XKR6: variants seen among roughly 807,000 people sequenced by gnomAD.
XKR6 encodes XK related 6.
XKR6 carries 22 observed loss-of-function variants against 56.7 expected under a neutral mutation model. The observed-to-expected ratio is 0.39, with a 90% CI of 0.28 to 0.55. The LOEUF is 0.55. XKR6 is among the 20% of genes least tolerant of loss of function. XKR6 has a pLI of 0.66. For synonymous variants in XKR6, 524 were observed against 387.8 expected (o/e 1.35, Z -4.13); for missense variants, 852 against 889.0 (o/e 0.96, Z 0.53).
chr8:10,951,067 C>A (rs1014369341), intron 1 of XKR6, among the ~76,000 whole-genome samples: 2 of 152,172 alleles, frequency 1.3e-5, no homozygotes, highest in South Asian at 4.1e-4. Context: ...AAGCGCCAGA[C>A]GGAGTCACCC....
intron 1 of XKR6, among the ~76,000 whole-genome samples, chr8:10,958,410 G>A (rs989066045): frequency 6.6e-6 from 1 of 152,208 alleles, no homozygotes; most frequent in Non-Finnish European, 1.5e-5. Context: ...AATCAATAGT[G>A]ACAATGGGCT....
chr8:11,160,632 G>T (rs375267094), intron 1 of XKR6, among the ~76,000 whole-genome samples: 3 of 152,128 alleles, frequency 2.0e-5, no homozygotes, highest in Non-Finnish European at 4.4e-5. Context: ...TTCACAGGCT[G>T]GGCGTGGTGG....
intron 1 of XKR6, among the ~76,000 whole-genome samples, chr8:11,057,346 C>A (rs1799711377): frequency 6.6e-6 from 1 of 152,158 alleles, no homozygotes; most frequent in Admixed American, 6.5e-5. Context: ...CATGAGAGGG[C>A]TTTTTGTCTG....
At chr8:11,185,119 G>GTC (rs1241124186) in intron 1 of XKR6, among the ~76,000 whole-genome samples, 1 of 152,196 alleles carries the variant, frequency 6.6e-6, no homozygotes, top group East Asian at 1.9e-4. Flanking sequence ...GGGTGTGAGT[G>GTC]TGAGTGTGCC....
At chr8:11,114,444 C>A (rs1338162542) in intron 1 of XKR6, among the ~76,000 whole-genome samples, 2 of 152,186 alleles carry the variant, frequency 1.3e-5, no homozygotes, top group Non-Finnish European at 2.9e-5. Flanking sequence ...TCATTGCAGC[C>A]TCTGCCTCCT....
chr8:10,978,592 C>G (rs963895257), intron 1 of XKR6, among the ~76,000 whole-genome samples: 1 of 152,214 alleles, frequency 6.6e-6, no homozygotes, highest in Non-Finnish European at 1.5e-5. Context: ...CCAAGACACT[C>G]GGCCCAAGGT....
At chr8:11,100,090 C>T (rs1225430926) in intron 1 of XKR6, among the ~76,000 whole-genome samples, 1 of 152,216 alleles carries the variant, frequency 6.6e-6, no homozygotes, top group Non-Finnish European at 1.5e-5. Flanking sequence ...CTAACTCTGT[C>T]GCCCAGGGTG....
intron 1 of XKR6, among the ~76,000 whole-genome samples, chr8:10,937,566 C>CAGAT (rs1393453884): frequency 2.7e-5 from 4 of 149,024 alleles, no homozygotes; most frequent in Non-Finnish European, 6.0e-5. Flanking sequence ...TGGTGATGTA[C>CAGAT]AGATGGGTTT....
In XKR6 at chr8:10,952,197, A is replaced by T. The variant is rs115545953; in HGVS notation, c.765-27367T>A. ...CTCAAAGCCCCTGCCCAGGAAGGGG[A>T]CCCAAGTTCACCCACAGGCCTCCCC... is the stretch of plus-strand genomic sequence containing the variant. On this transcript the variant is annotated intron_variant, in intron 1 of 2. Coordinates refer to ENST00000416569, the MANE Select transcript of XKR6 (RefSeq NM_173683.4). Among the ~76,000 whole-genome samples, 338 of 152,122 alleles carry T rather than the reference A, an allele frequency of 2.2e-3. 1 individual carries two copies. Among genetic ancestry groups the T allele is most frequent in the African/African-American group, 7.9e-3 (330 of 41,520 alleles).
At chr8:11,097,574 G>A (rs568170970) in intron 1 of XKR6, among the ~76,000 whole-genome samples, 22 of 151,762 alleles carry the variant, frequency 1.4e-4, no homozygotes, top group African/African-American at 4.8e-4. Flanking sequence ...TTGGGAGGCC[G>A]GGGTGGGCGT....
At chr8:11,063,292 TA>T (rs1225427580) in intron 1 of XKR6, among the ~76,000 whole-genome samples, 11 of 149,538 alleles carry the variant, frequency 7.4e-5, no homozygotes, top group African/African-American at 2.5e-4. Context: ...AAATCAAAGT[TA>T]AAAAAATGTA....
chr8:11,131,017 G>C (rs1019696666), intron 1 of XKR6, among the ~76,000 whole-genome samples: 1 of 152,148 alleles, frequency 6.6e-6, no homozygotes, highest in Non-Finnish European at 1.5e-5. Flanking sequence ...TAAATCGCTA[G>C]TTATGTAACT....
At position 11,201,388 on chromosome 8, in the gene XKR6, G is replaced by T. The variant is rs758141492; in HGVS notation, c.-49C>A. 12 of 1,118,440 alleles carry T rather than the reference G, an allele frequency of 1.1e-5. No homozygotes were observed. The highest frequency in any genetic ancestry group is 4.6e-5 in the East Asian group (1 of 21,686). The allele number at this position is 1,118,440 out of a possible 1,614,324, so 69.3% of individuals were successfully genotyped here. Reference sequence around the variant, plus strand: ...AGGTTGGGGGGGAGGGACGGCGGGGGGGGGGGGAAGAAGGCAGGGAACGGG... The same window carrying T: ...AGGTTGGGGGGGAGGGACGGCGGGGTGGGGGGGAAGAAGGCAGGGAACGGG... On this transcript the variant is annotated 5_prime_UTR_variant, in exon 1 of 3. Coordinates refer to ENST00000416569, the MANE Select transcript of XKR6 (RefSeq NM_173683.4).
intron 1 of XKR6, among the ~76,000 whole-genome samples, chr8:11,174,835 T>A (rs1005448997): frequency 7.2e-5 from 11 of 152,190 alleles, no homozygotes; most frequent in Non-Finnish European, 1.2e-4. Context: ...GAACGGATGA[T>A]CAACGGACCC....
intron 1 of XKR6, among the ~76,000 whole-genome samples, chr8:11,100,109 T>C (rs985027133): frequency 6.6e-6 from 1 of 152,162 alleles, no homozygotes; most frequent in African/African-American, 2.4e-5. Flanking sequence ...TGGAGTGCAG[T>C]AGCACAATCT....
At chr8:11,117,050 T>C (rs1202957971) in intron 1 of XKR6, among the ~76,000 whole-genome samples, 1 of 152,240 alleles carries the variant, frequency 6.6e-6, no homozygotes, top group Non-Finnish European at 1.5e-5. Context: ...TGAATTCTAG[T>C]GAGTTAGTTA....
intron 1 of XKR6, among the ~76,000 whole-genome samples, chr8:11,156,331 C>G (rs772693616): frequency 6.6e-6 from 1 of 152,196 alleles, no homozygotes; most frequent in Non-Finnish European, 1.5e-5. Context: ...CATCTCCCCT[C>G]TGCAGCTTTC....
At chr8:11,143,136 T>C (rs1247377007) in intron 1 of XKR6, among the ~76,000 whole-genome samples, 2 of 152,258 alleles carry the variant, frequency 1.3e-5, no homozygotes, top group Middle Eastern at 6.8e-3. Flanking sequence ...TTACAATCCT[T>C]AATAAATTAA....
chr8:11,160,817 C>T (rs1285673623), intron 1 of XKR6, among the ~76,000 whole-genome samples: 2 of 141,056 alleles, frequency 1.4e-5, no homozygotes, highest in Admixed American at 7.7e-5. Flanking sequence ...TAGGCTAAGC[C>T]AAGAGAAACC....
Sources: gnomAD v4.1 joint callset for allele counts (sites outside exome capture counted in the v4.1 genomes callset) on GRCh38, gnomAD v4.1.1 for gene constraint, MANE v1.5 for transcripts, NCBI Gene and HGNC (gene_info 2026-07-23, HGNC 2026-07-21) for gene names.